MTHFD1: variants seen among roughly 807,000 people sequenced by gnomAD.
MTHFD1 encodes the protein methylenetetrahydrofolate dehydrogenase, cyclohydrolase and formyltetrahydrofolate synthetase 1, also known as C-1-tetrahydrofolate synthase, cytoplasmic.
A neutral mutation model predicts 110.3 loss-of-function variants in MTHFD1; 44 were observed. The observed-to-expected ratio is 0.40, with a 90% confidence interval of 0.31 to 0.51. The LOEUF is 0.51. Ranked by LOEUF, MTHFD1 falls within the 20% of genes least tolerant of loss-of-function variation. MTHFD1 has a pLI of 0.60. For synonymous variants in MTHFD1, 402 were observed against 428.8 expected (o/e 0.94, Z 0.77); for missense variants, 909 against 1,173.1 (o/e 0.77, Z 3.29).
Position 64,434,457 on chromosome 14 carries a change from A to G in MTHFD1, c.1495-1112A>G, listed in dbSNP as rs149975469. Among the ~76,000 whole-genome samples, 624 of 152,176 alleles carry G rather than the reference A, an allele frequency of 4.1e-3. 5 individuals carry two copies. Among genetic ancestry groups the G allele is most frequent in the African/African-American group, 0.014 (602 of 41,520 alleles). On this transcript the variant is annotated intron_variant, in intron 15 of 27. Transcript: ENST00000652337. ...GTTATACCCAGCTACTCGGGAGGCT[A>G]AGGCAGGAGCATCCCTTGAACCCAG...
At chr14:64,408,852 G>A (rs1396366290) in intron 2 of MTHFD1, among the ~76,000 whole-genome samples, 4 of 152,168 alleles carry the variant, frequency 2.6e-5, no homozygotes, top group Non-Finnish European at 5.9e-5. Flanking sequence ...GGGAAGCTGA[G>A]GTGGGAGGAT....
intron 6 of MTHFD1, among the ~76,000 whole-genome samples, chr14:64,416,698 T>C (rs1459819850): frequency 6.6e-6 from 1 of 152,130 alleles, no homozygotes; most frequent in Non-Finnish European, 1.5e-5. Flanking sequence ...AGGTCAAAGG[T>C]CAAGCTTTGA....
chr14:64,411,371 G>T (rs911852104), intron 3 of MTHFD1, among the ~76,000 whole-genome samples: 2 of 152,220 alleles, frequency 1.3e-5, no homozygotes, highest in African/African-American at 2.4e-5. Context: ...CAAAGAGCAG[G>T]ATGTCAATTG....
intron 11 of MTHFD1, 84 bp from the exon 12 acceptor site, chr14:64,427,253 T>A: frequency 6.8e-7 from 1 of 1,461,810 alleles, no homozygotes; most frequent in Non-Finnish European, 9.5e-7. Flanking sequence ...TACGAGTCAT[T>A]CTCTAGGATC....
At chr14:64,397,104 CAAAAAAAAAAAAAAAAAAAA>C (rs1189095379) in intron 1 of MTHFD1, among the ~76,000 whole-genome samples, 18 of 7,122 alleles carry the variant, frequency 2.5e-3, no homozygotes, top group South Asian at 0.025. Flanking sequence ...GACTGCGTCT[CAAAAAAAAAAAAAAAAAAAA>C]AAAAAAAAAA....
intron 2 of MTHFD1, among the ~76,000 whole-genome samples, chr14:64,407,652 G>T (rs947098207): frequency 6.6e-6 from 1 of 150,940 alleles, no homozygotes; most frequent in African/African-American, 2.4e-5. Flanking sequence ...TCCCCCAGGG[G>T]ATCCTCCCAC....
chr14:64,442,500 T>A, intron 21 of MTHFD1, 98 bp downstream of exon 21: 1 of 1,298,582 alleles, frequency 7.7e-7, no homozygotes, highest in East Asian at 2.3e-5. Context: ...GTTGCTCTTA[T>A]CCTCGTGATT....
At position 64,459,639 on chromosome 14, in the gene MTHFD1, A is replaced by G; in HGVS notation, c.*5-120A>G. 4 of 808,206 alleles carry G rather than the reference A, an allele frequency of 4.9e-6. No individual in the cohort carries two copies. In the South Asian group the frequency reaches 5.5e-5, roughly 11 times the overall value. 50.1% of individuals were successfully genotyped at this position (808,206 alleles called of 1,614,324 possible). A position where few individuals can be genotyped will look rare whatever the true frequency, so the allele number is the denominator to read the frequency against. On this transcript the variant is annotated intron_variant, in intron 27 of 27. Coordinates refer to ENST00000652337, the MANE Select transcript of MTHFD1 (RefSeq NM_005956.4). ...ACGCCCTAGAAGAGCTGGTGGCAGG[A>G]AAGGATGTAAATGTTAACAGCTTTG... is the stretch of plus-strand genomic sequence containing the variant.
rs1261325215 is a variant in MTHFD1 at position 64,449,747 on chromosome 14, A to G, written c.2457+125A>G. 7 of 1,137,764 alleles carry G rather than the reference A, an allele frequency of 6.2e-6. No homozygotes were observed. In the East Asian group the frequency reaches 1.5e-4, roughly 25 times the overall value. 70.5% of individuals were successfully genotyped at this position (1,137,764 alleles called of 1,614,324 possible). On this transcript the variant is annotated intron_variant, in intron 24 of 27. Coordinates refer to ENST00000652337, the MANE Select transcript of MTHFD1 (RefSeq NM_005956.4). ...CAGCCTTGCGGTTTGATTCCCACGT[A>G]GGTGACTTACACAACCACAGCCTGG... is the stretch of plus-strand genomic sequence containing the variant.
intron 22 of MTHFD1, 52 bp from the exon 23 acceptor site, chr14:64,448,165 C>T: frequency 7.5e-7 from 1 of 1,327,716 alleles, no homozygotes. Flanking sequence ...GAAGAACCTG[C>T]AGTGGTTTTC....
In MTHFD1 at chr14:64,441,617, T is replaced by C. The variant is rs189629052; in HGVS notation, c.1884+164T>C. ...GTCAGGAGATCGAGACCATCCTGGCTAACATGGTGAAACCCCGTCTCTACT... is the reference window on the plus strand; with the variant it reads ...GTCAGGAGATCGAGACCATCCTGGCCAACATGGTGAAACCCCGTCTCTACT... On this transcript the variant is annotated intron_variant, in intron 19 of 27. Coordinates refer to ENST00000652337, the MANE Select transcript of MTHFD1 (RefSeq NM_005956.4). 5,017 of 660,666 alleles carry C rather than the reference T, an allele frequency of 7.6e-3. 29 individuals are homozygous for C. The highest frequency in any genetic ancestry group is 1.0e-2 in the Non-Finnish European group (3,625 of 363,774). 40.9% of individuals were successfully genotyped at this position (660,666 alleles called of 1,614,324 possible).
At chr14:64,423,391 C>T (rs2078090539) in intron 8 of MTHFD1, among the ~76,000 whole-genome samples, 1 of 152,078 alleles carries the variant, frequency 6.6e-6, no homozygotes, top group Non-Finnish European at 1.5e-5. Context: ...TAATATGGAG[C>T]CCACAGGAGC....
chr14:64,394,987 A>T (rs1263018205), intron 1 of MTHFD1, among the ~76,000 whole-genome samples: 2 of 152,178 alleles, frequency 1.3e-5, no homozygotes, highest in Non-Finnish European at 2.9e-5. Context: ...TAGCGGCCAG[A>T]TCTATGGTTA....
intron 1 of MTHFD1, chr14:64,390,343 C>T (rs576132699): frequency 1.5e-5 from 2 of 130,188 alleles, no homozygotes; most frequent in East Asian, 4.0e-4. Flanking sequence ...GTAGCTGCTG[C>T]CTTGAGATCT....
At chr14:64,390,632 C>T (rs567168812) in intron 1 of MTHFD1, among the ~76,000 whole-genome samples, 19 of 149,798 alleles carry the variant, frequency 1.3e-4, no homozygotes, top group East Asian at 9.8e-4. Flanking sequence ...TACAGGCGTC[C>T]GCCACCATGT....
At chr14:64,440,043 G>T in intron 17 of MTHFD1, 83 bp from the exon 18 acceptor site, 2 of 1,287,210 alleles carry the variant, frequency 1.6e-6, no homozygotes, top group Admixed American at 1.9e-5. Flanking sequence ...TTAAGCCTCA[G>T]ATGTAAAAGA....
At chr14:64,426,271 T>C in intron 11 of MTHFD1, 79 bp downstream of exon 11, 1 of 1,530,310 alleles carries the variant, frequency 6.5e-7, no homozygotes, top group Admixed American at 1.7e-5. Context: ...ACTTGGCACA[T>C]GTATGTAGAG....
intron 15 of MTHFD1, among the ~76,000 whole-genome samples, chr14:64,432,337 ATAGT>A (rs1272588802): frequency 5.3e-5 from 8 of 152,294 alleles, no homozygotes; most frequent in Non-Finnish European, 7.3e-5. Flanking sequence ...TAACAAATAC[ATAGT>A]TAGTAAGCAT....
intron 8 of MTHFD1, among the ~76,000 whole-genome samples, chr14:64,423,757 C>G (rs1426640962): frequency 6.7e-6 from 1 of 150,284 alleles, no homozygotes; most frequent in East Asian, 2.0e-4. Flanking sequence ...GACAGAGTCT[C>G]GCTCTGTTGC....
Sources: allele counts gnomAD v4.1 joint callset (sites outside exome capture counted in the v4.1 genomes callset), GRCh38; gene constraint gnomAD v4.1.1; transcripts MANE v1.5; gene names NCBI Gene and HGNC (gene_info 2026-07-23, HGNC 2026-07-21).